The following RASA1 variants were observed in gnomAD, a reference collection of about 807,000 sequenced individuals.
The protein encoded by RASA1 is ras GTPase-activating protein 1.
A neutral mutation model predicts 132.2 loss-of-function variants in RASA1; 25 were observed. The observed-to-expected ratio is 0.19, with a 90% CI of 0.14 to 0.26. The LOEUF (loss-of-function observed/expected upper bound fraction) is 0.26. RASA1 is among the 10% of genes least tolerant of loss of function. The pLI is 1.00. For missense variants in RASA1, 964 were observed against 1,299.2 expected (o/e 0.74, Z 3.97); for synonymous variants, 477 against 449.9 (o/e 1.06, Z -0.76).
chr5:87,334,294 T>C (rs1227985887), intron 4 of RASA1, among the ~76,000 whole-genome samples: 1 of 152,136 alleles, frequency 6.6e-6, no homozygotes, highest in Admixed American at 6.5e-5. Flanking sequence ...ATGTCCCAGC[T>C]CAACCAGTAA....
intron 4 of RASA1, among the ~76,000 whole-genome samples, chr5:87,336,857 T>TCTA: frequency 6.6e-6 from 1 of 152,046 alleles, no homozygotes; most frequent in Admixed American, 6.6e-5. Flanking sequence ...TAAGAAGGAT[T>TCTA]GTAGAATCAA....
intron 1 of RASA1, among the ~76,000 whole-genome samples, chr5:87,304,904 A>G (rs1580220911): frequency 2.3e-5 from 2 of 86,480 alleles, no homozygotes; most frequent in South Asian, 7.1e-4. Context: ...GAACTTTTTA[A>G]CTTTTTTTTT....
At chr5:87,390,542 GAT>G (rs1762432995) in intron 24 of RASA1, among the ~76,000 whole-genome samples, 1 of 152,028 alleles carries the variant, frequency 6.6e-6, no homozygotes, top group African/African-American at 2.4e-5. Context: ...GTGATAGTGT[GAT>G]AGTTCTGGCC....
At chr5:87,299,420 T>C (rs2112281647) in intron 1 of RASA1, among the ~76,000 whole-genome samples, 1 of 152,332 alleles carries the variant, frequency 6.6e-6, no homozygotes, top group East Asian at 1.9e-4. Context: ...TTTTGTAAAA[T>C]ATAGTAACAT....
At chr5:87,367,459 G>A (rs1384014105) in intron 11 of RASA1, among the ~76,000 whole-genome samples, 3 of 152,280 alleles carry the variant, frequency 2.0e-5, no homozygotes, top group South Asian at 4.1e-4. Flanking sequence ...TGATTAGTGC[G>A]CATGCTCAGC....
intron 5 of RASA1, among the ~76,000 whole-genome samples, chr5:87,339,913 C>G (rs1006897457): frequency 6.6e-6 from 1 of 152,026 alleles, no homozygotes; most frequent in Non-Finnish European, 1.5e-5. Flanking sequence ...GAAGATGTTT[C>G]GGGCATTCAG....
rs115006602 is a variant in RASA1 at position 87,332,715 on chromosome 5, G to A, written c.828+73G>A. ...CAATAATGGTTTTAGCTATTGCTCA[G>A]TTTCTTATGTTTATTATAATTCAAG... On this transcript the variant is annotated intron_variant, in intron 3 of 24. Coordinates refer to ENST00000274376, the MANE Select transcript of RASA1 (RefSeq NM_002890.3). The A allele has an allele frequency of 6.6e-4, 903 of 1,366,808 alleles. 9 individuals carry two copies. In the African/African-American group the frequency reaches 0.012, roughly 19 times the overall value. The allele number at this position is 1,366,808 out of a possible 1,614,324, so 84.7% of individuals were successfully genotyped here.
In RASA1 at chr5:87,268,364, G is replaced by A. The variant is rs1380906770; in HGVS notation, c.-88G>A. 3.5e-6 allele frequency: 5 copies of A among 1,425,376 alleles called. No homozygotes were observed. Among genetic ancestry groups the A allele is most frequent in the Non-Finnish European group, 3.7e-6 (4 of 1,079,996 alleles). 88.3% of individuals were successfully genotyped at this position (1,425,376 alleles called of 1,614,324 possible). A position where few individuals can be genotyped will look rare whatever the true frequency, so the allele number is the denominator to read the frequency against. ...GCCTGGGGAGCTGAAGGGGAGACGC[G>A]TCTGGGTGGGGCTGCTCGGAGCCCG... On this transcript the variant is annotated 5_prime_UTR_variant, in exon 1 of 25. Transcript: ENST00000274376.
rs572653004 is a variant in RASA1 at position 87,314,203 on chromosome 5, TAAAG to T, written c.540-17140_540-17137del. ...AGATAAAAAATAAAAAATAAAAAAA[TAAAG>T]AAAGTGCATGTTTGGTTTGTTTAAG... is the stretch of plus-strand genomic sequence containing the variant. On this transcript the variant is annotated intron_variant, in intron 1 of 24. Transcript: ENST00000274376. Among the ~76,000 whole-genome samples, 20 of 151,938 alleles carry T rather than the reference TAAAG, an allele frequency of 1.3e-4. 1 individual carries two copies. Among genetic ancestry groups the T allele is most frequent in the South Asian group, 1.0e-3 (5 of 4,810 alleles).
At chr5:87,311,702 G>GATCCTTTGGGT (rs1195930596) in intron 1 of RASA1, among the ~76,000 whole-genome samples, 1 of 152,268 alleles carries the variant, frequency 6.6e-6, no homozygotes, top group South Asian at 2.1e-4. Flanking sequence ...GGTGTCCAGG[G>GATCCTTTGGGT]ATCTTTTGGG....
At chr5:87,305,922 C>T (rs1440409321) in intron 1 of RASA1, among the ~76,000 whole-genome samples, 1 of 152,150 alleles carries the variant, frequency 6.6e-6, no homozygotes, top group Non-Finnish European at 1.5e-5. Context: ...ATCAAAGCCA[C>T]AATGACACCA....
At chr5:87,297,274 G>C (rs1296055047) in intron 1 of RASA1, among the ~76,000 whole-genome samples, 1 of 152,124 alleles carries the variant, frequency 6.6e-6, no homozygotes, top group African/African-American at 2.4e-5. Flanking sequence ...TTTGATACTT[G>C]CTCTGTCTCT....
intron 22 of RASA1, 113 bp downstream of exon 22, chr5:87,385,502 G>T (rs1580408074): frequency 1.3e-6 from 1 of 794,750 alleles, no homozygotes; most frequent in African/African-American, 1.7e-5. Context: ...AGCGATGAAA[G>T]ATTATTTTTG....
At chr5:87,362,395 G>A (rs1760173190) in intron 9 of RASA1, among the ~76,000 whole-genome samples, 156 bp from the exon 10 acceptor site, 2 of 152,128 alleles carry the variant, frequency 1.3e-5, no homozygotes, top group Admixed American at 6.5e-5. Context: ...AAGCATTTCT[G>A]AGAATTTCTT....
chr5:87,379,174 G>A (rs886758921), intron 18 of RASA1, among the ~76,000 whole-genome samples: 15 of 152,118 alleles, frequency 9.9e-5, no homozygotes, highest in African/African-American at 3.6e-4. Context: ...CGAAGGTGTC[G>A]ATTCATACTA....
intron 1 of RASA1, among the ~76,000 whole-genome samples, chr5:87,275,002 A>G (rs1754004364): frequency 6.6e-6 from 1 of 152,202 alleles, no homozygotes; most frequent in Non-Finnish European, 1.5e-5. Flanking sequence ...ATCGGTATGG[A>G]TCATTGATTA....
At chr5:87,374,939 T>TA in intron 15 of RASA1, 23 bp downstream of exon 15, 1 of 1,595,046 alleles carries the variant, frequency 6.3e-7, no homozygotes, top group Non-Finnish European at 8.5e-7. Flanking sequence ...AGAAACTTTC[T>TA]AAAATAGAAA....
At position 87,376,948 on chromosome 5, in the gene RASA1, T is replaced by C; in HGVS notation, c.2252T>C (p.Leu751Pro). ...LSHVCGQDRT[L>P]LASILLRIFL... is the part of the protein sequence containing the mutation. ...CATGTATGTGGACAAGACCGAACAC[T>C]ACTGGCCAGCATCCTACTGAGGATT... The change falls in exon 17 of 25, where the codon CTA becomes CCA. Residue 751 changes from leucine (L) to proline (P), a missense_variant. Coordinates refer to ENST00000274376, the MANE Select transcript of RASA1 (RefSeq NM_002890.3). 2 of 1,611,312 alleles carry C rather than the reference T, an allele frequency of 1.2e-6. No homozygotes were observed. Among genetic ancestry groups the C allele is most frequent in the South Asian group, 2.2e-5 (2 of 91,018 alleles).
chr5:87,337,863 C>G, intron 4 of RASA1, 111 bp from the exon 5 acceptor site: 2 of 1,178,432 alleles, frequency 1.7e-6, no homozygotes, highest in Admixed American at 3.0e-5. Flanking sequence ...ACTCTAATTC[C>G]TTACATTTTT....
Sources: allele counts gnomAD v4.1 joint callset (sites outside exome capture counted in the v4.1 genomes callset), GRCh38; gene constraint gnomAD v4.1.1; transcripts MANE v1.5; gene names NCBI Gene and HGNC (gene_info 2026-07-23, HGNC 2026-07-21).